The following ZDHHC5 variants were observed in gnomAD, a reference collection of about 807,000 sequenced individuals.
ZDHHC5 encodes the protein palmitoyltransferase ZDHHC5.
ZDHHC5 carries 22 observed loss-of-function variants against 70.0 expected under a neutral mutation model. The observed-to-expected ratio is 0.31, with a 90% confidence interval of 0.22 to 0.45. The LOEUF is 0.45. ZDHHC5 is among the 20% of genes least tolerant of loss of function. The probability of loss-of-function intolerance (pLI) is 1.00; values close to 1 mark genes in which losing one functional copy is unlikely to be tolerated. For synonymous variants in ZDHHC5, 313 were observed against 347.8 expected (o/e 0.90, Z 1.11); for missense variants, 746 against 926.9 (o/e 0.80, Z 2.53).
At chr11:57,679,955 G>A (rs1163886385) in intron 2 of ZDHHC5, among the ~76,000 whole-genome samples, 1 of 152,054 alleles carries the variant, frequency 6.6e-6, no homozygotes, top group Admixed American at 6.6e-5. Context: ...ACTTTATTTT[G>A]GCAACAGATA....
At chr11:57,671,658 A>G (rs1946007793) in intron 1 of ZDHHC5, among the ~76,000 whole-genome samples, 1 of 152,198 alleles carries the variant, frequency 6.6e-6, no homozygotes, top group Non-Finnish European at 1.5e-5. Context: ...TTCTTGTCCA[A>G]AGAGAAATCT....
chr11:57,675,819 A>C (rs979110919), intron 2 of ZDHHC5, among the ~76,000 whole-genome samples: 7 of 152,144 alleles, frequency 4.6e-5, no homozygotes, highest in Non-Finnish European at 1.0e-4. Flanking sequence ...CTATCCTCTC[A>C]TGTATTTTAC....
intron 8 of ZDHHC5, among the ~76,000 whole-genome samples, 187 bp downstream of exon 8, chr11:57,694,102 CT>C (rs1283894246): frequency 1.3e-5 from 2 of 150,330 alleles, no homozygotes; most frequent in East Asian, 3.9e-4. Flanking sequence ...AGCAATTCTC[CT>C]GCCTCAGCCT....
In ZDHHC5 at chr11:57,672,774, A is replaced by G. The variant is rs1286367760; in HGVS notation, c.-317A>G. Reference sequence around the variant, plus strand: ...ATGTTTTCCACCTGCAACCATTTGCATGTGTACAGCCTACTGTTTGTCTCC... The same window carrying G: ...ATGTTTTCCACCTGCAACCATTTGCGTGTGTACAGCCTACTGTTTGTCTCC... On this transcript the variant is annotated 5_prime_UTR_variant, in exon 2 of 12. An upstream start codon of the reference 5' UTR is lost. Transcript: ENST00000287169. The G allele has an allele frequency of 7.8e-6, 2 of 257,002 alleles. No homozygotes were observed. The highest frequency in any genetic ancestry group is 9.3e-5 in the East Asian group (1 of 10,770). 15.9% of individuals were successfully genotyped at this position (257,002 alleles called of 1,614,324 possible). A position where few individuals can be genotyped will look rare whatever the true frequency, so the allele number is the denominator to read the frequency against.
At chr11:57,668,720 CCTGTTCT>C (rs1945960136) in intron 1 of ZDHHC5, 1 of 152,652 alleles carries the variant, frequency 6.6e-6, no homozygotes, top group Non-Finnish European at 1.5e-5. Flanking sequence ...CATCCTGTTA[CCTGTTCT>C]CTCTCACCCG....
At chr11:57,675,001 T>C (rs1015586200) in intron 2 of ZDHHC5, among the ~76,000 whole-genome samples, 3 of 152,228 alleles carry the variant, frequency 2.0e-5, no homozygotes, top group African/African-American at 7.2e-5. Context: ...GCTCTGTCCT[T>C]CTTCATACAT....
At chr11:57,692,837 C>T in intron 7 of ZDHHC5, 135 bp downstream of exon 7, 1 of 823,802 alleles carries the variant, frequency 1.2e-6, no homozygotes, top group Non-Finnish European at 1.9e-6. Context: ...AGTACCCACT[C>T]TATCTTAGAA....
At chr11:57,683,972 A>AT (rs11435194) in intron 3 of ZDHHC5, among the ~76,000 whole-genome samples, 50,115 of 135,780 alleles carry the variant, frequency 0.37, 11,292 homozygotes, top group East Asian at 0.78. Flanking sequence ...CTAATAATTA[A>AT]TTTTTTTTTT....
Position 57,685,017 on chromosome 11 carries a change from G to C in ZDHHC5, c.226+2474G>C, listed in dbSNP as rs192434604. ...ACAAAAATTAGCCCGACATGGTGGT[G>C]GGTGCCTGTGATCCCAGCTACTTGG... is the stretch of plus-strand genomic sequence containing the variant. On this transcript the variant is annotated intron_variant, in intron 3 of 11. Transcript: ENST00000287169. 3.5e-4 allele frequency among the ~76,000 whole-genome samples: 53 copies of C among 152,058 alleles called. No homozygotes were observed. The East Asian group carries it at 9.9e-3, about 29-fold the overall frequency.
chr11:57,693,063 T>C (rs571116937), intron 7 of ZDHHC5, among the ~76,000 whole-genome samples: 1 of 152,118 alleles, frequency 6.6e-6, no homozygotes, highest in South Asian at 2.1e-4. Flanking sequence ...ACCCAGCACT[T>C]TGGGAGGCCG....
chr11:57,683,119 G>GAAAT lies in ZDHHC5; in HGVS notation c.226+577_226+580dup, dbSNP rs560812106. Among the ~76,000 whole-genome samples, 3 of 152,328 alleles carry GAAAT rather than the reference G, an allele frequency of 2.0e-5. No homozygotes were observed. In the South Asian group the frequency reaches 6.2e-4, roughly 32 times the overall value. On this transcript the variant is annotated intron_variant, in intron 3 of 11. Transcript: ENST00000287169. ...AGCACATGCAGAAGCTTGTAGCCAT[G>GAAAT]AAATGGCAAACTTAGTGGGGCTAGA... is the stretch of plus-strand genomic sequence containing the variant.
Position 57,700,903 on chromosome 11 carries a change from T to C in ZDHHC5, c.*872T>C, listed in dbSNP as rs1946434675. ...CCCCTAGCTTACACAGTTAACTTGA[T>C]TTTAAAATCCAAGGCCAGGAGAGAA... is the stretch of plus-strand genomic sequence containing the variant. On this transcript the variant is annotated 3_prime_UTR_variant, in exon 12 of 12. Transcript: ENST00000287169. 1 of 152,686 alleles carries C rather than the reference T, an allele frequency of 6.5e-6. No homozygotes were observed. The highest frequency in any genetic ancestry group is 1.5e-5 in the Non-Finnish European group (1 of 68,090). 9.5% of individuals were successfully genotyped at this position (152,686 alleles called of 1,614,324 possible). A position where few individuals can be genotyped will look rare whatever the true frequency, so the allele number is the denominator to read the frequency against.
At chr11:57,668,767 G>GA (rs1435708345) in intron 1 of ZDHHC5, among the ~76,000 whole-genome samples, 1 of 152,220 alleles carries the variant, frequency 6.6e-6, no homozygotes, top group African/African-American at 2.4e-5. Flanking sequence ...GCCACCAGCC[G>GA]AGTGCTCCAT....
intron 2 of ZDHHC5, among the ~76,000 whole-genome samples, chr11:57,679,649 A>G (rs111261276): frequency 9.2e-5 from 14 of 152,126 alleles, no homozygotes; most frequent in African/African-American, 2.9e-4. Context: ...ACGAGCCCCA[A>G]CATCTCCTGT....
intron 2 of ZDHHC5, among the ~76,000 whole-genome samples, chr11:57,673,663 C>T (rs1406520470): frequency 6.6e-6 from 1 of 152,154 alleles, no homozygotes; most frequent in Non-Finnish European, 1.5e-5. Flanking sequence ...GTCCGCCTCC[C>T]AAGTTCAAGC....
In ZDHHC5 at chr11:57,682,366, T is replaced by C. The variant is rs984274712; in HGVS notation, c.105-56T>C. 7.1e-6 allele frequency: 11 copies of C among 1,559,882 alleles called. No individual in the cohort carries two copies. In the African/African-American group the frequency reaches 1.4e-4, roughly 19 times the overall value. ...AAGTCTTTACAGATTTTTGTATGTA[T>C]GGTTCGTGTCCAAAATATTAGAGGC... On this transcript the variant is annotated intron_variant, in intron 2 of 11. Transcript: ENST00000287169.
chr11:57,693,967 C>A, intron 8 of ZDHHC5, 52 bp downstream of exon 8: 2 of 1,542,578 alleles, frequency 1.3e-6, no homozygotes, highest in Non-Finnish European at 1.7e-6. Context: ...TCACCCAAGG[C>A]AAAGAGACGG....
In ZDHHC5 at chr11:57,693,930, G is replaced by C. The variant is rs1946317635; in HGVS notation, c.885+15G>C. Reference sequence around the variant, plus strand: ...GGAGAACAAAGGTGAGGAATTTAGAGAAGTCAAGCTAGATAACATGGAAGT... The same window carrying C: ...GGAGAACAAAGGTGAGGAATTTAGACAAGTCAAGCTAGATAACATGGAAGT... On this transcript the variant is annotated intron_variant, in intron 8 of 11. Coordinates refer to ENST00000287169, the MANE Select transcript of ZDHHC5 (RefSeq NM_015457.3). 25 of 1,605,502 alleles carry C rather than the reference G, an allele frequency of 1.6e-5. No homozygotes were observed. In the East Asian group the frequency reaches 5.6e-4, roughly 36 times the overall value.
chr11:57,697,788 C>T (rs1025729778), intron 10 of ZDHHC5, among the ~76,000 whole-genome samples: 4 of 143,308 alleles, frequency 2.8e-5, no homozygotes, highest in Admixed American at 7.3e-5. Context: ...TGAGCTCCCA[C>T]TGCTGTATTC....
Sources: gnomAD v4.1 joint callset for allele counts (sites outside exome capture counted in the v4.1 genomes callset) on GRCh38, gnomAD v4.1.1 for gene constraint, MANE v1.5 for transcripts, NCBI Gene and HGNC (gene_info 2026-07-23, HGNC 2026-07-21) for gene names.